Variants in SLC2A12 observed in about 807,000 individuals in gnomAD.
The protein encoded by SLC2A12 is solute carrier family 2, facilitated glucose transporter member 12.
Under a neutral mutation model 41.8 loss-of-function variants are expected in SLC2A12, and 23 were observed. The observed-to-expected ratio is 0.55, with a 90% CI of 0.40 to 0.78. The LOEUF (loss-of-function observed/expected upper bound fraction) is 0.78, where lower values mean the gene tolerates loss of function less well. SLC2A12 is among the 30% of genes least tolerant of loss of function. The pLI, the probability that SLC2A12 is intolerant of heterozygous loss-of-function variation, is 0.00. For synonymous variants in SLC2A12, 295 were observed against 285.9 expected, an observed-to-expected ratio of 1.03 and a Z score of -0.32; for missense variants, 654 against 745.6, an observed-to-expected ratio of 0.88 and a Z score of 1.43.
At chr6:133,998,629 T>C (rs1404723910) in intron 4 of SLC2A12, among the ~76,000 whole-genome samples, 1 of 152,224 alleles carries the variant, frequency 6.6e-6, no homozygotes, top group Non-Finnish European at 1.5e-5. Context: ...CAGCCTCGAC[T>C]TCCCAGGCTC....
intron 4 of SLC2A12, among the ~76,000 whole-genome samples, chr6:133,992,913 T>C (rs1230126263): frequency 2.0e-5 from 3 of 152,128 alleles, no homozygotes; most frequent in Admixed American, 6.5e-5. Flanking sequence ...CACAGCAAAA[T>C]TGATGTAAGG....
intron 2 of SLC2A12, among the ~76,000 whole-genome samples, chr6:134,015,967 G>T (rs1776955753): frequency 6.6e-6 from 1 of 152,296 alleles, no homozygotes; most frequent in South Asian, 2.1e-4. Context: ...AGAGCAAAAA[G>T]CTAGGCTCTA....
intron 2 of SLC2A12, 30 bp from the exon 3 acceptor site, chr6:134,006,964 C>T: frequency 6.2e-7 from 1 of 1,612,982 alleles, no homozygotes; most frequent in Non-Finnish European, 8.5e-7. Flanking sequence ...GGGTGGCGGA[C>T]AGCACATTTA....
chr6:133,990,907 C>CTT lies in SLC2A12; in HGVS notation c.*246_*247dup. On this transcript the variant is annotated 3_prime_UTR_variant, in exon 5 of 5. Coordinates refer to ENST00000275230, the MANE Select transcript of SLC2A12 (RefSeq NM_145176.3). Reference sequence around the variant, plus strand: ...TAGAAAGTATTAAACCAGCCAGTAACTTTTTTTTTTTAACCTGATATCCTG... The same window carrying CTT: ...TAGAAAGTATTAAACCAGCCAGTAACTTTTTTTTTTTTTAACCTGATATCCTG... 4.8e-5 allele frequency: 16 copies of CTT among 334,008 alleles called. No homozygotes were observed. Among genetic ancestry groups the CTT allele is most frequent in the East Asian group, 1.4e-4 (3 of 20,874 alleles). 20.7% of individuals were successfully genotyped at this position (334,008 alleles called of 1,614,324 possible). A position where few individuals can be genotyped will look rare whatever the true frequency, so the allele number is the denominator to read the frequency against.
intron 4 of SLC2A12, among the ~76,000 whole-genome samples, chr6:134,000,703 C>G (rs974006831): frequency 6.6e-6 from 1 of 152,088 alleles, no homozygotes; most frequent in Non-Finnish European, 1.5e-5. Flanking sequence ...GCAATTAGAG[C>G]TACTAAAAAA....
chr6:134,031,421 A>G (rs996778255), intron 1 of SLC2A12, among the ~76,000 whole-genome samples: 7 of 110,982 alleles, frequency 6.3e-5, no homozygotes, highest in African/African-American at 1.8e-4. Context: ...AAAACAAACA[A>G]CAAACAAAAA....
chr6:133,992,231 G>A (rs746064760), intron 4 of SLC2A12, among the ~76,000 whole-genome samples: 1 of 152,214 alleles, frequency 6.6e-6, no homozygotes, highest in South Asian at 2.1e-4. Flanking sequence ...GATGCAGTCA[G>A]TGTACAAATG....
At chr6:134,049,338 G>C (rs1033017373) in intron 1 of SLC2A12, among the ~76,000 whole-genome samples, 5 of 152,168 alleles carry the variant, frequency 3.3e-5, no homozygotes, top group Non-Finnish European at 7.3e-5. Context: ...GGACAGTTGG[G>C]GGTGAAGGGA....
At chr6:134,030,833 T>C (rs965777936) in intron 1 of SLC2A12, among the ~76,000 whole-genome samples, 4 of 152,218 alleles carry the variant, frequency 2.6e-5, no homozygotes, top group African/African-American at 9.6e-5. Context: ...TGATGACTTT[T>C]CATTGTGTTC....
chr6:134,040,726 C>T (rs1405314123), intron 1 of SLC2A12, among the ~76,000 whole-genome samples: 2 of 152,222 alleles, frequency 1.3e-5, no homozygotes, highest in African/African-American at 4.8e-5. Flanking sequence ...AGGAGGAAAA[C>T]TTTCAAGAAG....
chr6:134,026,771 ATG>A (rs1284871061), intron 2 of SLC2A12, among the ~76,000 whole-genome samples: 1 of 152,238 alleles, frequency 6.6e-6, no homozygotes, highest in Non-Finnish European at 1.5e-5. Flanking sequence ...AGGAAGGGCC[ATG>A]TCTTGGTCTT....
intron 1 of SLC2A12, among the ~76,000 whole-genome samples, chr6:134,031,519 G>A (rs1777207704): frequency 1.3e-5 from 2 of 152,124 alleles, no homozygotes; most frequent in South Asian, 4.1e-4. Flanking sequence ...CAGGTGGGTG[G>A]GTGATTTTAC....
In SLC2A12 at chr6:133,991,452, T is replaced by C. The variant is rs1006934142; in HGVS notation, c.1701-144A>G. The stretch of plus-strand genomic sequence containing the variant: ...TACACATTTTTATTAGGAATCCTGC[T>C]GCATCATGAAATTCAGTATGCCACA... On this transcript the variant is annotated intron_variant, in intron 4 of 4. Coordinates refer to ENST00000275230, the MANE Select transcript of SLC2A12 (RefSeq NM_145176.3). 5.4e-6 allele frequency: 5 copies of C among 927,536 alleles called. No individual in the cohort carries two copies. The Admixed American group carries it at 8.6e-5, about 16-fold the overall frequency. The allele number at this position is 927,536 out of a possible 1,614,324, so 57.5% of individuals were successfully genotyped here. A position where few individuals can be genotyped will look rare whatever the true frequency, so the allele number is the denominator to read the frequency against.
intron 4 of SLC2A12, among the ~76,000 whole-genome samples, chr6:134,001,251 C>T (rs1276957745): frequency 6.6e-6 from 1 of 152,104 alleles, no homozygotes; most frequent in Non-Finnish European, 1.5e-5. Context: ...TCACGATCGC[C>T]ACTAAAGAAC....
intron 1 of SLC2A12, among the ~76,000 whole-genome samples, chr6:134,042,028 T>C (rs1777389010): frequency 6.6e-6 from 1 of 152,240 alleles, no homozygotes; most frequent in Non-Finnish European, 1.5e-5. Context: ...GATGTATCTG[T>C]ACTTCTCAAT....
Position 134,028,783 on chromosome 6 carries a change from A to T in SLC2A12, c.1042T>A (p.Cys348Ser), listed in dbSNP as rs1465510508. 1 of 1,614,216 alleles carries T rather than the reference A, an allele frequency of 6.2e-7. No homozygotes were observed. Among genetic ancestry groups the T allele is most frequent in the Admixed American group, 1.7e-5 (1 of 60,020 alleles). Residue 348 changes from cysteine to serine, a missense_variant, in exon 2 of 5, where the codon TGC becomes AGC. By Grantham distance (112) the Cys-to-Ser change is moderately radical. This residue lies in a region of SLC2A12 where 411 missense variants were observed against 412.1 expected (regional missense o/e 1.00). Transcript: ENST00000275230. ...GCTGCCATCACAGAGGAGCCAATGC[A>T]GAGGAATGTTTTGCTGCCGACATGG... ...VDHVGSKTFL[C>S]IGSSVMAASL...
intron 4 of SLC2A12, among the ~76,000 whole-genome samples, chr6:133,994,517 G>T (rs1776659909): frequency 6.6e-6 from 1 of 152,176 alleles, no homozygotes; most frequent in Non-Finnish European, 1.5e-5. Context: ...CACGAGGTCA[G>T]GAGATCGAGA....
intron 2 of SLC2A12, chr6:134,008,945 T>C (rs1056983321): frequency 6.6e-6 from 1 of 152,304 alleles, no homozygotes; most frequent in African/African-American, 2.4e-5. Context: ...CCAGCTTCCA[T>C]CTTCACCTCG....
chr6:134,045,197 T>C (rs546785343), intron 1 of SLC2A12, among the ~76,000 whole-genome samples: 22 of 152,208 alleles, frequency 1.4e-4, no homozygotes, highest in Non-Finnish European at 2.5e-4. Flanking sequence ...TATAGAAAAA[T>C]ACAAGTTACA....
Sources: allele counts gnomAD v4.1 joint callset (sites outside exome capture counted in the v4.1 genomes callset), GRCh38; gene constraint gnomAD v4.1.1; regional missense constraint gnomAD v4.1.1; transcripts MANE v1.5; gene names NCBI Gene and HGNC (gene_info 2026-07-23, HGNC 2026-07-21).